KLHL29: variants seen among roughly 807,000 people sequenced by gnomAD.
KLHL29 encodes kelch like family member 29.
In KLHL29, 21 loss-of-function variants were observed where a neutral mutation model predicts 80.4. The ratio of observed to expected loss-of-function variants is 0.26; its 90% CI spans 0.19 to 0.38. The LOEUF is 0.38. Among genes scored for constraint, KLHL29 ranks in the 10% least tolerant of loss-of-function variants. KLHL29 has a pLI of 1.00. For missense variants in KLHL29, 867 were observed against 1,223.9 expected (o/e 0.71, Z 4.35); for synonymous variants, 511 against 526.8 (o/e 0.97, Z 0.41).
At chr2:23,623,950 G>C (rs1187730148) in intron 3 of KLHL29, among the ~76,000 whole-genome samples, 1 of 152,214 alleles carries the variant, frequency 6.6e-6, no homozygotes, top group Non-Finnish European at 1.5e-5. Flanking sequence ...GACCTCAAGT[G>C]AATCCATGAA....
chr2:23,445,037 A>T lies in KLHL29; in HGVS notation c.-153-30523A>T, dbSNP rs116386240. Among the ~76,000 whole-genome samples, 1,290 of 152,234 alleles carry T rather than the reference A, an allele frequency of 8.5e-3. 23 individuals are homozygous for T. Among genetic ancestry groups the T allele is most frequent in the African/African-American group, 0.03 (1,248 of 41,542 alleles). On this transcript the variant is annotated intron_variant, in intron 1 of 13. Coordinates refer to ENST00000486442, the MANE Select transcript of KLHL29 (RefSeq NM_052920.2). ...AATGAAATGACATATAACAAAACCA[A>T]TTTTTTTCCTCACAGTGTTATAAGA...
intron 3 of KLHL29, 21 bp from the exon 4 acceptor site, chr2:23,639,118 C>T: frequency 1.3e-6 from 2 of 1,520,248 alleles, no homozygotes; most frequent in South Asian, 1.3e-5. Context: ...CTATGCTCAC[C>T]TCCTCATCTG....
intron 1 of KLHL29, among the ~76,000 whole-genome samples, chr2:23,468,037 G>T (rs1349764825): frequency 6.6e-6 from 1 of 151,952 alleles, no homozygotes; most frequent in African/African-American, 2.4e-5. Context: ...CATTATAATG[G>T]TTATTGCTGC....
At chr2:23,420,733 C>T (rs987561160) in intron 1 of KLHL29, among the ~76,000 whole-genome samples, 8 of 152,146 alleles carry the variant, frequency 5.3e-5, no homozygotes, top group African/African-American at 1.4e-4. Flanking sequence ...GGGTCTGGGG[C>T]CATCTCTGCT....
In KLHL29 at chr2:23,519,692, G is replaced by A. The variant is rs542752746; in HGVS notation, c.-45-42460G>A. Among the ~76,000 whole-genome samples the A allele has an allele frequency of 8.5e-5, 13 of 152,280 alleles. No homozygotes were observed. The South Asian group carries it at 2.3e-3, about 27-fold the overall frequency. Reference sequence around the variant, plus strand: ...GACGACATGTTCCCAAGGTGGTCGGGGGACAGCTTGGTTTCATCCATTTTA... The same window carrying A: ...GACGACATGTTCCCAAGGTGGTCGGAGGACAGCTTGGTTTCATCCATTTTA... On this transcript the variant is annotated intron_variant, in intron 2 of 13. Coordinates refer to ENST00000486442, the MANE Select transcript of KLHL29 (RefSeq NM_052920.2).
At chr2:23,433,791 C>T (rs187650413) in intron 1 of KLHL29, among the ~76,000 whole-genome samples, 106 of 152,250 alleles carry the variant, frequency 7.0e-4, no homozygotes, top group Admixed American at 5.4e-3. Flanking sequence ...TGGTGGTGCA[C>T]ACCTGTAGTC....
intron 3 of KLHL29, among the ~76,000 whole-genome samples, chr2:23,614,120 A>G (rs1668942323): frequency 6.6e-6 from 1 of 152,062 alleles, no homozygotes; most frequent in South Asian, 2.1e-4. Context: ...CAATGCACCC[A>G]TTTGTCGCTT....
In KLHL29 at chr2:23,575,248, C is replaced by G. The variant is rs144894100; in HGVS notation, c.285+12767C>G. On this transcript the variant is annotated intron_variant, in intron 3 of 13. Transcript: ENST00000486442. ...TCCATTTCTCTAGCACCCCAGAGAGCGGAGCCGAAGGTGAGGCCTTAGCTA... is the reference window on the plus strand; with the variant it reads ...TCCATTTCTCTAGCACCCCAGAGAGGGGAGCCGAAGGTGAGGCCTTAGCTA... Among the ~76,000 whole-genome samples, 1,411 of 152,280 alleles carry G rather than the reference C, an allele frequency of 9.3e-3. 5 individuals carry two copies. Among genetic ancestry groups the G allele is most frequent in the Non-Finnish European group, 0.015 (1,010 of 68,018 alleles).
intron 2 of KLHL29, among the ~76,000 whole-genome samples, chr2:23,482,067 T>A (rs530092381): frequency 1.3e-5 from 2 of 152,052 alleles, no homozygotes; most frequent in South Asian, 4.1e-4. Flanking sequence ...TCCGCTGCCC[T>A]CAGTCCCATG....
chr2:23,567,753 T>C (rs942289176), intron 3 of KLHL29, among the ~76,000 whole-genome samples: 2 of 152,172 alleles, frequency 1.3e-5, no homozygotes, highest in African/African-American at 4.8e-5. Flanking sequence ...ACATTGAAAA[T>C]CGAAGGCTGC....
intron 2 of KLHL29, among the ~76,000 whole-genome samples, chr2:23,497,371 G>C (rs1208080060): frequency 6.6e-6 from 1 of 152,168 alleles, no homozygotes; most frequent in Non-Finnish European, 1.5e-5. Flanking sequence ...TCCTGGGGTT[G>C]GGCAGTCACT....
chr2:23,442,387 C>G (rs923582624), intron 1 of KLHL29, among the ~76,000 whole-genome samples: 2 of 152,164 alleles, frequency 1.3e-5, no homozygotes, highest in African/African-American at 2.4e-5. Context: ...GCCACTTTGT[C>G]CAGCCCAAGG....
chr2:23,637,709 C>A (rs1389859595), intron 3 of KLHL29, among the ~76,000 whole-genome samples: 3 of 152,156 alleles, frequency 2.0e-5, no homozygotes, highest in Admixed American at 2.0e-4. Flanking sequence ...TCCACACCCC[C>A]TTTCTGTCCC....
At chr2:23,575,325 C>T (rs533498460) in intron 3 of KLHL29, among the ~76,000 whole-genome samples, 2 of 152,304 alleles carry the variant, frequency 1.3e-5, no homozygotes, top group Admixed American at 1.3e-4. Context: ...CCCACCAGAG[C>T]CCAGCTCTGG....
chr2:23,462,157 C>G (rs1215727268), intron 1 of KLHL29, among the ~76,000 whole-genome samples: 1 of 151,976 alleles, frequency 6.6e-6, no homozygotes, highest in Non-Finnish European at 1.5e-5. Flanking sequence ...TTCAGCAGCA[C>G]TCCTCCCATT....
chr2:23,695,649 C>G lies in KLHL29; in HGVS notation c.1569C>G (p.Val523=). ...TQYAAELLAV[V]RLPFIHPSYL... Reference sequence around the variant, plus strand: ...ACGCGGCTGAGCTCCTGGCCGTGGTCCGCCTCCCCTTCATCCACCCCAGCT... The same window carrying G: ...ACGCGGCTGAGCTCCTGGCCGTGGTGCGCCTCCCCTTCATCCACCCCAGCT... The change falls in exon 9 of 14, where the codon GTC becomes GTG. Residue 523 remains valine, a synonymous_variant. Transcript: ENST00000486442. This position sits in a 1 kb window ranked among gnomAD's most constrained non-coding sequence, Gnocchi z 7.6. 2 of 1,551,236 alleles carry G rather than the reference C, an allele frequency of 1.3e-6. No homozygotes were observed. The highest frequency in any genetic ancestry group is 3.3e-4 in the Middle Eastern group (2 of 5,990).
At chr2:23,649,663 A>G (rs1003077388) in intron 5 of KLHL29, among the ~76,000 whole-genome samples, 2 of 152,220 alleles carry the variant, frequency 1.3e-5, no homozygotes, top group Non-Finnish European at 2.9e-5. Flanking sequence ...AGCATCTTCA[A>G]GGTCAGAAGC....
intron 2 of KLHL29, among the ~76,000 whole-genome samples, chr2:23,481,113 A>G (rs771415529): frequency 1.3e-5 from 2 of 152,172 alleles, no homozygotes; most frequent in Admixed American, 1.3e-4. Context: ...TACCCAGGCT[A>G]CATACCAGAT....
At chr2:23,443,397 C>T (rs781188077) in intron 1 of KLHL29, among the ~76,000 whole-genome samples, 2 of 152,102 alleles carry the variant, frequency 1.3e-5, no homozygotes. Context: ...CCCGAGTGGC[C>T]AAAACAAATT....
Sources: allele counts gnomAD v4.1 joint callset (sites outside exome capture counted in the v4.1 genomes callset), GRCh38; gene constraint gnomAD v4.1.1; non-coding constraint Gnocchi (gnomAD v3.1); transcripts MANE v1.5; gene names NCBI Gene and HGNC (gene_info 2026-07-23, HGNC 2026-07-21).